Variants in CADPS observed in about 807,000 individuals in gnomAD.
CADPS encodes calcium-dependent secretion activator 1.
In CADPS, 57 loss-of-function variants were observed where a neutral mutation model predicts 167.3. That is an observed-to-expected ratio of 0.34 (90% CI 0.28 to 0.42). The LOEUF (loss-of-function observed/expected upper bound fraction) is 0.42. CADPS is among the 20% of genes least tolerant of loss of function. CADPS has a pLI of 1.00. For missense variants in CADPS, 1,414 were observed against 1,738.1 expected (o/e 0.81, Z 3.32); for synonymous variants, 676 against 635.3 (o/e 1.06, Z -0.96).
chr3:62,562,446 T>C (rs1306204592), intron 9 of CADPS, among the ~76,000 whole-genome samples: 4 of 152,196 alleles, frequency 2.6e-5, no homozygotes, highest in South Asian at 2.1e-4. Flanking sequence ...TTTGTGATCT[T>C]TAAATGGGGA....
chr3:62,529,430 G>A (rs984505358), intron 13 of CADPS, among the ~76,000 whole-genome samples: 6 of 152,146 alleles, frequency 3.9e-5, no homozygotes, highest in African/African-American at 1.4e-4. Context: ...GCAGCACCTT[G>A]GACAGCAGCC....
chr3:62,684,080 G>A (rs552841327), intron 3 of CADPS, among the ~76,000 whole-genome samples: 1 of 151,968 alleles, frequency 6.6e-6, no homozygotes, highest in African/African-American at 2.4e-5. Context: ...AAACTTACAG[G>A]GCAAGTTTTG....
Position 62,658,179 on chromosome 3 carries a change from G to A in CADPS, c.969+4135C>T, listed in dbSNP as rs140146686. Among the ~76,000 whole-genome samples, 796 of 152,280 alleles carry A rather than the reference G, an allele frequency of 5.2e-3. 5 individuals are homozygous for A. Among genetic ancestry groups the A allele is most frequent in the African/African-American group, 0.018 (751 of 41,566 alleles). Reference sequence around the variant, plus strand: ...CAACTCAGTTTTCTGCATAGTAGTTGTGTGCACTTGAACATGTGTACACTT... The same window carrying A: ...CAACTCAGTTTTCTGCATAGTAGTTATGTGCACTTGAACATGTGTACACTT... On this transcript the variant is annotated intron_variant, in intron 4 of 29. Transcript: ENST00000383710.
chr3:62,604,951 A>G (rs186351649), intron 6 of CADPS, among the ~76,000 whole-genome samples: 21 of 152,300 alleles, frequency 1.4e-4, no homozygotes, highest in Admixed American at 5.2e-4. Context: ...CTCCTATTTA[A>G]TTTCCAACAC....
At chr3:62,666,595 T>C (rs2074452717) in intron 3 of CADPS, among the ~76,000 whole-genome samples, 1 of 152,110 alleles carries the variant, frequency 6.6e-6, no homozygotes, top group East Asian at 1.9e-4. Flanking sequence ...CAAATAATCT[T>C]CCTACTAGAA....
At chr3:62,810,909 T>C (rs941516717) in intron 1 of CADPS, among the ~76,000 whole-genome samples, 1 of 152,252 alleles carries the variant, frequency 6.6e-6, no homozygotes, top group Non-Finnish European at 1.5e-5. Flanking sequence ...TCAGTTAAGC[T>C]GAGCTTTCTT....
intron 28 of CADPS, among the ~76,000 whole-genome samples, chr3:62,434,024 G>A (rs1300195494): frequency 6.6e-6 from 1 of 152,276 alleles, no homozygotes; most frequent in East Asian, 1.9e-4. Context: ...TCATATCCAT[G>A]TTTTATATTT....
intron 11 of CADPS, among the ~76,000 whole-genome samples, chr3:62,539,116 C>T (rs2075268305): frequency 1.3e-5 from 2 of 152,164 alleles, no homozygotes; most frequent in African/African-American, 4.8e-5. Flanking sequence ...TCCCCATCCA[C>T]TTGTAGCATG....
At chr3:62,697,233 C>T (rs1404461952) in intron 3 of CADPS, among the ~76,000 whole-genome samples, 3 of 151,504 alleles carry the variant, frequency 2.0e-5, no homozygotes, top group African/African-American at 7.3e-5. Context: ...TACTCTGAAC[C>T]CAATTCATAA....
intron 11 of CADPS, among the ~76,000 whole-genome samples, chr3:62,543,309 G>T (rs559550045): frequency 6.6e-6 from 1 of 152,288 alleles, no homozygotes; most frequent in African/African-American, 2.4e-5. Context: ...AAAATTTTAT[G>T]AGATAAAACT....
intron 1 of CADPS, among the ~76,000 whole-genome samples, chr3:62,793,647 G>A (rs1263965808): frequency 1.3e-5 from 2 of 152,150 alleles, no homozygotes; most frequent in Non-Finnish European, 2.9e-5. Flanking sequence ...TACTTTTGGA[G>A]GGTAATTAAT....
chr3:62,870,784 G>T lies in CADPS; in HGVS notation c.441+3805C>A, dbSNP rs148856514. Among the ~76,000 whole-genome samples the T allele has an allele frequency of 1.8e-3, 275 of 152,198 alleles. 4 individuals are homozygous for T. Among genetic ancestry groups the T allele is most frequent in the African/African-American group, 6.3e-3 (260 of 41,524 alleles). On this transcript the variant is annotated intron_variant, in intron 1 of 29. Coordinates refer to ENST00000383710, the MANE Select transcript of CADPS (RefSeq NM_003716.4). ...CTAAATATTACATGAATTGCTAACA[G>T]TGCCTGCTTTTACATTCCCTCACTA...
intron 6 of CADPS, among the ~76,000 whole-genome samples, chr3:62,599,778 T>TG (rs2059573618): frequency 7.2e-5 from 1 of 13,906 alleles, no homozygotes; most frequent in Non-Finnish European, 1.2e-4. Context: ...ATAATATATA[T>TG]ATTATATATA....
chr3:62,504,462 C>T (rs1057406050), intron 17 of CADPS, among the ~76,000 whole-genome samples: 11 of 152,156 alleles, frequency 7.2e-5, no homozygotes, highest in African/African-American at 2.2e-4. Context: ...GTTAACTGAA[C>T]CTGGGTAGAG....
At chr3:62,834,508 T>C (rs2075617821) in intron 1 of CADPS, among the ~76,000 whole-genome samples, 1 of 152,174 alleles carries the variant, frequency 6.6e-6, no homozygotes, top group South Asian at 2.1e-4. Context: ...TAGACGTTTG[T>C]TAGACAGAGC....
chr3:62,682,872 C>G (rs76171251), intron 3 of CADPS, among the ~76,000 whole-genome samples: 9,172 of 152,026 alleles, frequency 0.06, 336 homozygotes, highest in South Asian at 0.094. Flanking sequence ...GTAAACTTAC[C>G]AAGAGATAAC....
intron 2 of CADPS, among the ~76,000 whole-genome samples, chr3:62,754,507 T>C (rs1476465117): frequency 6.6e-6 from 1 of 152,150 alleles, no homozygotes; most frequent in Non-Finnish European, 1.5e-5. Flanking sequence ...TTATTTTAAA[T>C]AGAGGCAGGA....
chr3:62,525,606 A>G (rs182581165), intron 13 of CADPS, among the ~76,000 whole-genome samples: 78 of 152,094 alleles, frequency 5.1e-4, no homozygotes, highest in African/African-American at 1.6e-3. Context: ...AAACAGAGCT[A>G]TCCCCACTAC....
At chr3:62,592,948 G>C (rs1356765877) in intron 6 of CADPS, among the ~76,000 whole-genome samples, 200 bp from the exon 7 acceptor site, 1 of 152,234 alleles carries the variant, frequency 6.6e-6, no homozygotes, top group Non-Finnish European at 1.5e-5. Flanking sequence ...CAGATGCTCA[G>C]AAAGTTGCCA....
Sources: gnomAD v4.1 joint callset for allele counts (sites outside exome capture counted in the v4.1 genomes callset) on GRCh38, gnomAD v4.1.1 for gene constraint, MANE v1.5 for transcripts, NCBI Gene and HGNC (gene_info 2026-07-23, HGNC 2026-07-21) for gene names.